Variants in LRRC4C observed in about 807,000 individuals in gnomAD.
LRRC4C encodes the protein leucine-rich repeat-containing protein 4C.
LRRC4C carries 5 observed loss-of-function variants against 33.6 expected under a neutral mutation model. The observed-to-expected ratio is 0.15, with a 90% confidence interval of 0.08 to 0.31. The LOEUF is 0.31. LRRC4C is among the 10% of genes least tolerant of loss of function. LRRC4C has a pLI of 1.00. For missense variants in LRRC4C, 560 were observed against 796.7 expected (o/e 0.70, Z 3.58); for synonymous variants, 329 against 302.0 (o/e 1.09, Z -0.93).
intron 5 of LRRC4C, among the ~76,000 whole-genome samples, chr11:40,197,877 G>A (rs376283740): frequency 3.3e-5 from 5 of 152,082 alleles, no homozygotes; most frequent in Non-Finnish European, 1.5e-5. Context: ...ACCCATTCAC[G>A]AAGTCAGTAT....
rs778904453 is a variant in LRRC4C at position 40,116,331 on chromosome 11, C to G, written c.-39G>C. 1 of 1,537,638 alleles carries G rather than the reference C, an allele frequency of 6.5e-7. No individual in the cohort carries two copies. Among genetic ancestry groups the G allele is most frequent in the Non-Finnish European group, 8.7e-7 (1 of 1,143,272 alleles). ...GGTGTTGGTCCTTCTGGAATTCAAA[C>G]AGTCTGCAAAATACAAGCAAAAAAA... On this transcript the variant is annotated 5_prime_UTR_variant, in exon 7 of 7. Transcript: ENST00000528697.
At chr11:41,181,483 G>A (rs1344192925) in intron 1 of LRRC4C, among the ~76,000 whole-genome samples, 1 of 152,086 alleles carries the variant, frequency 6.6e-6, no homozygotes, top group Admixed American at 6.6e-5. Flanking sequence ...AGAACTAACT[G>A]CTGTTATATA....
intron 2 of LRRC4C, among the ~76,000 whole-genome samples, chr11:40,736,860 GT>G (rs34208575): frequency 0.16 from 23,107 of 142,270 alleles, 2,059 homozygotes; most frequent in East Asian, 0.41. Flanking sequence ...TGATGCGGTT[GT>G]TTTTTTTTTT....
chr11:40,631,916 T>C (rs551672228), intron 3 of LRRC4C, among the ~76,000 whole-genome samples: 14 of 152,312 alleles, frequency 9.2e-5, no homozygotes, highest in African/African-American at 3.4e-4. Context: ...TCATAACTTG[T>C]ACTTAAAACT....
At chr11:41,167,153 A>G (rs960628199) in intron 1 of LRRC4C, among the ~76,000 whole-genome samples, 1 of 152,194 alleles carries the variant, frequency 6.6e-6, no homozygotes, top group Non-Finnish European at 1.5e-5. Context: ...TGGAAAAAAA[A>G]TAGATACCAG....
chr11:40,692,394 T>A (rs1168729305), intron 2 of LRRC4C, among the ~76,000 whole-genome samples: 1 of 152,058 alleles, frequency 6.6e-6, no homozygotes, highest in East Asian at 1.9e-4. Context: ...TAGAGAGGCA[T>A]TTTCTAGAAG....
intron 3 of LRRC4C, among the ~76,000 whole-genome samples, chr11:40,405,217 T>C (rs1266051731): frequency 1.3e-5 from 2 of 152,026 alleles, no homozygotes; most frequent in Non-Finnish European, 2.9e-5. Context: ...GTTATGTCAC[T>C]TAGCACCATG....
At chr11:40,817,440 A>G (rs747274361) in intron 2 of LRRC4C, among the ~76,000 whole-genome samples, 5 of 152,164 alleles carry the variant, frequency 3.3e-5, no homozygotes, top group Non-Finnish European at 5.9e-5. Flanking sequence ...GATAGATATG[A>G]TGCGTTGCAT....
chr11:40,896,483 C>T (rs1366128975), intron 2 of LRRC4C, among the ~76,000 whole-genome samples: 2 of 151,760 alleles, frequency 1.3e-5, no homozygotes, highest in Admixed American at 6.6e-5. Flanking sequence ...TTTTACAAAT[C>T]TTAAATAACT....
chr11:40,312,254 A>G (rs1945352298), intron 4 of LRRC4C, among the ~76,000 whole-genome samples: 1 of 152,226 alleles, frequency 6.6e-6, no homozygotes, highest in Non-Finnish European at 1.5e-5. Flanking sequence ...AACAGTAACC[A>G]TAAATAAACA....
At chr11:40,224,155 G>A (rs1366401597) in intron 5 of LRRC4C, among the ~76,000 whole-genome samples, 1 of 152,038 alleles carries the variant, frequency 6.6e-6, no homozygotes, top group Non-Finnish European at 1.5e-5. Context: ...TATTTCCCAC[G>A]GGATGAGTTT....
At position 40,635,919 on chromosome 11, in the gene LRRC4C, G is replaced by A. The variant is rs1186574794; in HGVS notation, c.-270+12223C>T. 2.0e-5 allele frequency among the ~76,000 whole-genome samples: 3 copies of A among 152,002 alleles called. No individual in the cohort carries two copies. The East Asian group carries it at 5.8e-4, about 29-fold the overall frequency. On this transcript the variant is annotated intron_variant, in intron 3 of 6. Coordinates refer to ENST00000528697, the MANE Select transcript of LRRC4C (RefSeq NM_001258419.2). The stretch of plus-strand genomic sequence containing the variant: ...CTCCCAAAGTGCTGGGATTACAGGC[G>A]TGAGGCACTGCGCCCGGCCAGAAGA...
At chr11:41,435,153 A>G (rs1012025587) in intron 1 of LRRC4C, among the ~76,000 whole-genome samples, 8 of 152,152 alleles carry the variant, frequency 5.3e-5, no homozygotes, top group Non-Finnish European at 8.8e-5. Flanking sequence ...TATTACAATC[A>G]CAATCACTAA....
At chr11:40,299,371 C>A (rs756383223) in intron 4 of LRRC4C, among the ~76,000 whole-genome samples, 13 of 152,314 alleles carry the variant, frequency 8.5e-5, no homozygotes, top group Admixed American at 2.6e-4. Context: ...CTATCAGATT[C>A]CTGCGTGGAC....
intron 2 of LRRC4C, among the ~76,000 whole-genome samples, chr11:40,877,532 C>A (rs180765301): frequency 6.6e-6 from 1 of 152,102 alleles, no homozygotes; most frequent in African/African-American, 2.4e-5. Context: ...ATCAATTCAC[C>A]GAGTTATGGT....
chr11:40,244,246 A>T (rs1327762803), intron 4 of LRRC4C, among the ~76,000 whole-genome samples: 1 of 152,090 alleles, frequency 6.6e-6, no homozygotes, highest in Non-Finnish European at 1.5e-5. Flanking sequence ...TGACATGCTG[A>T]ACTGAAGAAG....
At chr11:40,231,832 C>T (rs1865220914) in intron 5 of LRRC4C, among the ~76,000 whole-genome samples, 1 of 152,166 alleles carries the variant, frequency 6.6e-6, no homozygotes, top group South Asian at 2.1e-4. Flanking sequence ...TAACTTTCTC[C>T]TTATTTAAAC....
At chr11:40,585,044 G>A (rs991848328) in intron 3 of LRRC4C, among the ~76,000 whole-genome samples, 2 of 152,054 alleles carry the variant, frequency 1.3e-5, no homozygotes, top group Non-Finnish European at 2.9e-5. Context: ...CTAGAACAGA[G>A]GAAATACCAT....
At chr11:40,270,204 T>TGTTGCC (rs1942587371) in intron 4 of LRRC4C, among the ~76,000 whole-genome samples, 1 of 152,186 alleles carries the variant, frequency 6.6e-6, no homozygotes, top group African/African-American at 2.4e-5. Flanking sequence ...TGTTTACTAG[T>TGTTGCC]GTTGCCGTAA....
Sources: allele counts gnomAD v4.1 joint callset (sites outside exome capture counted in the v4.1 genomes callset), GRCh38; gene constraint gnomAD v4.1.1; transcripts MANE v1.5; gene names NCBI Gene and HGNC (gene_info 2026-07-23, HGNC 2026-07-21).